PITPNC1: variants seen among roughly 807,000 people sequenced by gnomAD.
PITPNC1 encodes phosphatidylinositol transfer protein cytoplasmic 1.
In PITPNC1, 18 loss-of-function variants were observed where a neutral mutation model predicts 44.7. That is an observed-to-expected ratio of 0.40 (90% CI 0.28 to 0.60). The LOEUF (loss-of-function observed/expected upper bound fraction) is 0.60, where lower values mean the gene tolerates loss of function less well. PITPNC1 is among the 20% of genes least tolerant of loss of function. The probability of loss-of-function intolerance (pLI) is 0.39; values close to 1 mark genes in which losing one functional copy is unlikely to be tolerated. For synonymous variants in PITPNC1, 141 were observed against 149.6 expected, an observed-to-expected ratio of 0.94 and a Z score of 0.42; for missense variants, 290 against 418.4, an observed-to-expected ratio of 0.69 and a Z score of 2.68.
chr17:67,581,205 G>C (rs753432915), intron 5 of PITPNC1, among the ~76,000 whole-genome samples: 1 of 152,214 alleles, frequency 6.6e-6, no homozygotes, highest in Non-Finnish European at 1.5e-5. Context: ...CAGGTGCTCA[G>C]GTTTTTTGAC....
chr17:67,681,910 A>T (rs1598987531), intron 8 of PITPNC1, among the ~76,000 whole-genome samples: 1 of 152,234 alleles, frequency 6.6e-6, no homozygotes, highest in East Asian at 1.9e-4. Flanking sequence ...TCTGGAATAC[A>T]CATGAGGCCA....
intron 1 of PITPNC1, among the ~76,000 whole-genome samples, chr17:67,509,685 A>G (rs1433734576): frequency 6.6e-6 from 1 of 152,188 alleles, no homozygotes; most frequent in African/African-American, 2.4e-5. Flanking sequence ...AAAATGCTTT[A>G]AAGTGTGACA....
At chr17:67,408,247 C>T (rs757468607) in intron 1 of PITPNC1, among the ~76,000 whole-genome samples, 3 of 152,220 alleles carry the variant, frequency 2.0e-5, no homozygotes, top group Non-Finnish European at 4.4e-5. Context: ...AGCCACTGTG[C>T]CTGGCCTAGG....
At chr17:67,499,434 C>A (rs193072680) in intron 1 of PITPNC1, among the ~76,000 whole-genome samples, 88 of 152,114 alleles carry the variant, frequency 5.8e-4, no homozygotes, top group Middle Eastern at 3.4e-3. Context: ...CCAGGCTGGT[C>A]TTGAACTCCT....
chr17:67,475,868 A>T (rs934769243), intron 1 of PITPNC1, among the ~76,000 whole-genome samples: 2 of 152,182 alleles, frequency 1.3e-5, no homozygotes, highest in African/African-American at 2.4e-5. Flanking sequence ...TCCATTTCTC[A>T]GTCGACTGTC....
At chr17:67,571,837 A>G (rs946705430) in intron 4 of PITPNC1, among the ~76,000 whole-genome samples, 2 of 152,200 alleles carry the variant, frequency 1.3e-5, no homozygotes, top group African/African-American at 4.8e-5. Flanking sequence ...TTTGCTATCA[A>G]TCAAAAGCTG....
At position 67,508,086 on chromosome 17, in the gene PITPNC1, C is replaced by T. The variant is rs1009701847; in HGVS notation, c.49-24716C>T. ...ATATTTAATTCCCAAGAGTAATCTC[C>T]GTTCTCCCATCCTACCAGTTACGCA... On this transcript the variant is annotated intron_variant, in intron 1 of 8. Coordinates refer to ENST00000581322, the MANE Select transcript of PITPNC1 (RefSeq NM_012417.4). The surrounding 1 kb of genome is among the most constrained non-coding windows in gnomAD (Gnocchi z 4.2). Among the ~76,000 whole-genome samples the T allele has an allele frequency of 6.6e-6, 1 of 152,138 alleles. No homozygotes were observed. The highest frequency in any genetic ancestry group is 1.5e-5 in the Non-Finnish European group (1 of 68,030).
chr17:67,435,303 T>C (rs1167248519), intron 1 of PITPNC1, among the ~76,000 whole-genome samples: 1 of 151,940 alleles, frequency 6.6e-6, no homozygotes, highest in East Asian at 1.9e-4. Context: ...GCCCCAGAAG[T>C]GTTAGTGCTT....
intron 1 of PITPNC1, among the ~76,000 whole-genome samples, chr17:67,473,881 A>G (rs184374844): frequency 6.6e-6 from 1 of 152,204 alleles, no homozygotes; most frequent in Admixed American, 6.5e-5. Flanking sequence ...GTGATTTTCT[A>G]TTCTCCCATG....
chr17:67,663,050 T>C (rs77881256), intron 6 of PITPNC1, among the ~76,000 whole-genome samples: 7,017 of 152,304 alleles, frequency 0.046, 231 homozygotes, highest in Middle Eastern at 0.12. Context: ...ATATACCCAA[T>C]AATGGGGTTG....
In PITPNC1 at chr17:67,576,291, A is replaced by G. The variant is rs531039593; in HGVS notation, c.295-1895A>G. On this transcript the variant is annotated intron_variant, in intron 4 of 8. Coordinates refer to ENST00000581322, the MANE Select transcript of PITPNC1 (RefSeq NM_012417.4). ...CACTGAGACCTGGCCACCTGGCTGC[A>G]TGAGACTGTAGGCCATTTACTTACC... Among the ~76,000 whole-genome samples the G allele has an allele frequency of 1.3e-4, 20 of 152,240 alleles. 1 individual carries two copies. In the South Asian group the frequency reaches 3.5e-3, roughly 27 times the overall value.
At chr17:67,614,485 A>G (rs1257963253) in intron 5 of PITPNC1, among the ~76,000 whole-genome samples, 1 of 152,022 alleles carries the variant, frequency 6.6e-6, no homozygotes, top group African/African-American at 2.4e-5. Context: ...CAGCCTGAGC[A>G]ACATAGTGAA....
At chr17:67,451,509 T>G (rs1209080755) in intron 1 of PITPNC1, among the ~76,000 whole-genome samples, 1 of 152,196 alleles carries the variant, frequency 6.6e-6, no homozygotes, top group Non-Finnish European at 1.5e-5. Context: ...CTGTTTGTGG[T>G]CAGTTCTTGC....
intron 6 of PITPNC1, among the ~76,000 whole-genome samples, chr17:67,664,482 T>G (rs1044857554): frequency 2.0e-5 from 3 of 152,230 alleles, no homozygotes; most frequent in African/African-American, 7.2e-5. Flanking sequence ...GTTTTTTGAC[T>G]TTTTAATGAT....
intron 1 of PITPNC1, among the ~76,000 whole-genome samples, chr17:67,483,817 G>T (rs2039736295): frequency 6.6e-6 from 1 of 152,016 alleles, no homozygotes; most frequent in Admixed American, 6.6e-5. Context: ...TCAAAATACA[G>T]CTTCGTTTAT....
chr17:67,427,506 C>G (rs2038787343), intron 1 of PITPNC1, among the ~76,000 whole-genome samples: 1 of 152,162 alleles, frequency 6.6e-6, no homozygotes. Flanking sequence ...GCCACTGCAC[C>G]CAGCCATGCT....
intron 1 of PITPNC1, among the ~76,000 whole-genome samples, chr17:67,515,926 A>C (rs557942902): frequency 6.6e-6 from 1 of 152,298 alleles, no homozygotes; most frequent in South Asian, 2.1e-4. Context: ...TAGGTGGACT[A>C]ATTAATTGTA....
chr17:67,512,023 T>G (rs925542181), intron 1 of PITPNC1, among the ~76,000 whole-genome samples: 2 of 152,218 alleles, frequency 1.3e-5, no homozygotes, highest in African/African-American at 4.8e-5. Flanking sequence ...TTCGCATTGC[T>G]GTTCTCTGCC....
At chr17:67,527,209 C>A (rs936690475) in intron 1 of PITPNC1, among the ~76,000 whole-genome samples, 2 of 102,466 alleles carry the variant, frequency 2.0e-5, no homozygotes, top group Non-Finnish European at 4.5e-5. Context: ...TAAATCATCA[C>A]GAGGCCTAGA....
Sources: allele counts gnomAD v4.1 joint callset (sites outside exome capture counted in the v4.1 genomes callset), GRCh38; gene constraint gnomAD v4.1.1; non-coding constraint Gnocchi (gnomAD v3.1); transcripts MANE v1.5; gene names NCBI Gene and HGNC (gene_info 2026-07-23, HGNC 2026-07-21).